Variants in LSG1 observed in about 807,000 individuals in gnomAD.
LSG1 encodes large subunit GTPase 1 homolog.
In LSG1, 55 loss-of-function variants were observed where a neutral mutation model predicts 82.6. The ratio of observed to expected loss-of-function variants is 0.67; its 90% confidence interval spans 0.54 to 0.83. The LOEUF is 0.83. Among genes scored for constraint, LSG1 ranks in the 40% least tolerant of loss-of-function variants. LSG1 has a pLI of 0.00. For missense variants in LSG1, 809 were observed against 807.9 expected, an observed-to-expected ratio of 1.00 and a Z score of -0.02; for synonymous variants, 272 against 282.5, an observed-to-expected ratio of 0.96 and a Z score of 0.37.
chr3:194,656,166 T>C (rs1448762078), intron 7 of LSG1, among the ~76,000 whole-genome samples: 1 of 151,684 alleles, frequency 6.6e-6, no homozygotes, highest in African/African-American at 2.4e-5. Context: ...CTAATTAAAC[T>C]AAAGAGCTTC....
At chr3:194,658,631 C>G (rs1718855641) in intron 7 of LSG1, among the ~76,000 whole-genome samples, 2 of 152,162 alleles carry the variant, frequency 1.3e-5, no homozygotes, top group Admixed American at 6.5e-5. Context: ...TTCAGTTGTA[C>G]TCTTGTGTTC....
In LSG1 at chr3:194,641,770, C is replaced by A. The variant is rs377741092; in HGVS notation, c.*298G>T. ...CTGGGATTACAGGTGCGCGCCACCA[C>A]GCCTGGCTAATTTTTTTGTATTTTT... On this transcript the variant is annotated 3_prime_UTR_variant, in exon 14 of 14. Transcript: ENST00000265245. The A allele has an allele frequency of 4.6e-6, 1 of 219,250 alleles. No homozygotes were observed. The highest frequency in any genetic ancestry group is 8.9e-6 in the Non-Finnish European group (1 of 111,834). The allele number at this position is 219,250 out of a possible 1,614,324, so 13.6% of individuals were successfully genotyped here. A position where few individuals can be genotyped will look rare whatever the true frequency, so the allele number is the denominator to read the frequency against.
Position 194,672,139 on chromosome 3 carries a change from G to A in LSG1, c.24C>T (p.Ala8=), listed in dbSNP as rs141458895. ...TAAGGGCCCGTCCCAGCGACCCACCGGCCGGGGCTCTCCTCCGGCCCATGG... is the reference window on the plus strand; with the variant it reads ...TAAGGGCCCGTCCCAGCGACCCACCAGCCGGGGCTCTCCTCCGGCCCATGG... MGRRRAP[A]GGSLGRALMR... is the part of the protein sequence containing the mutation. Residue 8 remains alanine (A), a synonymous_variant, in exon 1 of 14, where the codon GCC becomes GCT. Transcript: ENST00000265245. 73 of 1,605,138 alleles carry A rather than the reference G, an allele frequency of 4.5e-5. No individual in the cohort carries two copies. The highest frequency in any genetic ancestry group is 5.4e-5 in the Non-Finnish European group (64 of 1,179,938).
rs555841757 is a variant in LSG1, at chr3:194,654,748, C to A, written c.760-1606G>T. 2.0e-5 allele frequency among the ~76,000 whole-genome samples: 3 copies of A among 152,194 alleles called. No homozygotes were observed. The East Asian group carries it at 5.8e-4, about 29-fold the overall frequency. On this transcript the variant is annotated intron_variant, in intron 7 of 13. Transcript: ENST00000265245. ...TCAGCTTCAGGAAAAGTACTAAAGA[C>A]AATCAAAGGACTTTGCCGTAATTAT... is the stretch of plus-strand genomic sequence containing the variant.
chr3:194,659,503 T>G (rs973154087), intron 6 of LSG1, among the ~76,000 whole-genome samples: 3 of 152,064 alleles, frequency 2.0e-5, no homozygotes, highest in South Asian at 2.1e-4. Context: ...TATAAGATAG[T>G]AATAAATAAA....
At chr3:194,649,019 CATTTAAAATAGTA>C (rs1406246337) in intron 10 of LSG1, 2 of 446,722 alleles carry the variant, frequency 4.5e-6, no homozygotes, top group African/African-American at 4.1e-5. Flanking sequence ...CATATGAATT[CATTTAAAATAGTA>C]ATTTAAAATA....
chr3:194,645,494 CTA>C (rs1718500825), intron 12 of LSG1: 4 of 73,512 alleles, frequency 5.4e-5, no homozygotes, highest in African/African-American at 2.8e-4. Flanking sequence ...GAGCTTAGTG[CTA>C]CACACACACA....
chr3:194,664,920 CAAATAAATAAAT>C (rs201430622), intron 5 of LSG1, among the ~76,000 whole-genome samples: 76,721 of 150,464 alleles, frequency 0.51, 19,828 homozygotes, highest in East Asian at 0.68. Context: ...AACTCCGTCT[CAAATAAATAAAT>C]AAATAAATAA....
chr3:194,655,760 G>A (rs1383180114), intron 7 of LSG1, among the ~76,000 whole-genome samples: 2 of 152,024 alleles, frequency 1.3e-5, no homozygotes, highest in East Asian at 3.9e-4. Context: ...ATACTACAAG[G>A]CTACAGTAAC....
In LSG1 at chr3:194,670,125, C is replaced by G; in HGVS notation, c.110G>C (p.Ser37Thr). ...HRHTDSWLHT[S>T]ELNDGYDWGR... ...CCAATCATAGCCATCATTGAGTTCA[C>G]TTGTGTGCAACTATGAAAAAACACA... The change falls in exon 2 of 14, where the codon AGT becomes ACT. Residue 37 changes from serine (S) to threonine (T), a missense_variant. By Grantham distance (58) the Ser-to-Thr change is moderately conservative. Transcript: ENST00000265245. 6.3e-7 allele frequency: 1 copy of G among 1,584,914 alleles called. No individual in the cohort carries two copies. The highest frequency in any genetic ancestry group is 8.6e-7 in the Non-Finnish European group (1 of 1,168,164).
Position 194,666,295 on chromosome 3 carries a change from A to G in LSG1, c.348-6T>C. 6.2e-7 allele frequency: 1 copy of G among 1,613,784 alleles called. No homozygotes were observed. The highest frequency in any genetic ancestry group is 8.5e-7 in the Non-Finnish European group (1 of 1,179,754). ...TATTTTGGTTCCAGTTTGGTCTGAA[A>G]CAATCATAGAAGGAAAAAAATTCCT... On this transcript the variant is annotated splice_region_variant and splice_polypyrimidine_tract_variant and intron_variant, in intron 3 of 13. Transcript: ENST00000265245.
At chr3:194,653,993 TAAAAC>T (rs1252427778) in intron 7 of LSG1, among the ~76,000 whole-genome samples, 1 of 152,240 alleles carries the variant, frequency 6.6e-6, no homozygotes, top group African/African-American at 2.4e-5. Flanking sequence ...GGCTGCATGA[TAAAAC>T]AAAGCATTTC....
rs1719016605 is a variant in LSG1 at position 194,665,639 on chromosome 3, C to G, written c.439G>C (p.Glu147Gln). 6.2e-7 allele frequency: 1 copy of G among 1,606,054 alleles called. No individual in the cohort carries two copies. Among genetic ancestry groups the G allele is most frequent in the African/African-American group, 1.3e-5 (1 of 74,578 alleles). The change falls in exon 5 of 14, where the codon GAA becomes CAA. Residue 147 changes from glutamate (E) to glutamine (Q), a missense_variant. Physicochemically the swap from Glu to Gln is conservative, Grantham distance 29 (BLOSUM62 2). Coordinates refer to ENST00000265245, the MANE Select transcript of LSG1 (RefSeq NM_018385.3). ...GTCAATATCAGCTTCTGTTCCTCTT[C>G]TAGCCTAGTTTTTGAATGAGAAGTT... Reference protein sequence around the residue: ...LEWRRQLVRLEEEQKLILTPF... With the variant: ...LEWRRQLVRLQEEQKLILTPF...
chr3:194,666,770 T>C (rs180762967), intron 2 of LSG1, among the ~76,000 whole-genome samples, 198 bp from the exon 3 acceptor site: 5 of 152,322 alleles, frequency 3.3e-5, no homozygotes, highest in African/African-American at 1.2e-4. Flanking sequence ...AGTTACTACA[T>C]TCTTTTTGAC....
Position 194,648,711 on chromosome 3 carries a change from T to G in LSG1, c.1513A>C (p.Thr505Pro). Reference sequence around the variant, plus strand: ...TAAGCTGTCAACAGTTCTTCCGATGTTGGAGGTCGGTGGGGATCTTCATCC... The same window carrying G: ...TAAGCTGTCAACAGTTCTTCCGATGGTGGAGGTCGGTGGGGATCTTCATCC... ...REDEDPHRPP[T>P]SEELLTAYGY... Residue 505 changes from threonine to proline, a missense_variant, in exon 11 of 14, where the codon ACA becomes CCA. Transcript: ENST00000265245. 1 of 1,614,178 alleles carries G rather than the reference T, an allele frequency of 6.2e-7. No individual in the cohort carries two copies. Among genetic ancestry groups the G allele is most frequent in the Non-Finnish European group, 8.5e-7 (1 of 1,180,010 alleles).
At chr3:194,652,292 T>C (rs888259442) in intron 8 of LSG1, among the ~76,000 whole-genome samples, 2 of 152,192 alleles carry the variant, frequency 1.3e-5, no homozygotes, top group African/African-American at 2.4e-5. Context: ...ATGCAACTAA[T>C]GCATTTGTCA....
rs1560217687 is a variant in LSG1, at chr3:194,642,106, C to CT, written c.1938dup (p.Glu647ArgfsTer5). 6.2e-7 allele frequency: 1 copy of CT among 1,613,178 alleles called. No homozygotes were observed. Among genetic ancestry groups the CT allele is most frequent in the Non-Finnish European group, 8.5e-7 (1 of 1,179,976 alleles). ...TGCTTGTAGAGTCTACGACTTTTTT[C>CT]TTTTTTATTTCTGTTGCCATGTTTT... is the stretch of plus-strand genomic sequence containing the variant. On this transcript the variant is annotated frameshift_variant, in exon 14 of 14. Transcript: ENST00000265245. LOFTEE classifies it high-confidence loss of function.
Position 194,646,251 on chromosome 3 carries a change from G to C in LSG1, c.1544-8C>G. ...TCATGAATCCTCGCATGTCTGTGGA[G>C]AGAAAAGAATTTTGCAAAATCTTAG... On this transcript the variant is annotated splice_region_variant and splice_polypyrimidine_tract_variant and intron_variant, in intron 11 of 13. Transcript: ENST00000265245. The C allele has an allele frequency of 6.2e-7, 1 of 1,607,122 alleles. No individual in the cohort carries two copies. Among genetic ancestry groups the C allele is most frequent in the Non-Finnish European group, 8.5e-7 (1 of 1,179,452 alleles).
Position 194,666,485 on chromosome 3 carries a change from T to C in LSG1, c.314A>G (p.Glu105Gly). Residue 105 changes from glutamate (E) to glycine (G), a missense_variant, in exon 3 of 14, where the codon GAA becomes GGA. By Grantham distance (98) the Glu-to-Gly change is moderately conservative. Coordinates refer to ENST00000265245, the MANE Select transcript of LSG1 (RefSeq NM_018385.3). Reference sequence around the variant, plus strand: ...TATACACAAGAACTGTTTGTTTTCTTCATGGAGCTTCTTAATTCTCTGGCT... The same window carrying C: ...TATACACAAGAACTGTTTGTTTTCTCCATGGAGCTTCTTAATTCTCTGGCT... ...EESQRIKKLH[E>G]ENKQFLCIPR... 6.2e-7 allele frequency: 1 copy of C among 1,614,170 alleles called. No individual in the cohort carries two copies. Among genetic ancestry groups the C allele is most frequent in the Non-Finnish European group, 8.5e-7 (1 of 1,180,018 alleles).
Sources: gnomAD v4.1 joint callset for allele counts (sites outside exome capture counted in the v4.1 genomes callset) on GRCh38, gnomAD v4.1.1 for gene constraint, MANE v1.5 for transcripts, NCBI Gene and HGNC (gene_info 2026-07-23, HGNC 2026-07-21) for gene names.